Variants in STARD3NL observed in about 807,000 individuals in gnomAD.
STARD3NL encodes STARD3 N-terminal-like protein.
Under a neutral mutation model 30.9 loss-of-function variants are expected in STARD3NL, and 17 were observed. The ratio of observed to expected loss-of-function variants is 0.55; its 90% confidence interval spans 0.38 to 0.82. The LOEUF is 0.82. Ranked by LOEUF, STARD3NL falls within the 40% of genes least tolerant of loss-of-function variation. STARD3NL has a pLI of 0.00. For missense variants in STARD3NL, 234 were observed against 277.6 expected, an observed-to-expected ratio of 0.84 and a Z score of 1.12; for synonymous variants, 112 against 100.5, an observed-to-expected ratio of 1.11 and a Z score of -0.69.
chr7:38,211,222 G>A (rs1327585855), intron 2 of STARD3NL, among the ~76,000 whole-genome samples: 1 of 152,066 alleles, frequency 6.6e-6, no homozygotes, highest in African/African-American at 2.4e-5. Flanking sequence ...TCTATAAATG[G>A]TGATGACCAA....
intron 3 of STARD3NL, among the ~76,000 whole-genome samples, chr7:38,214,751 G>GA (rs1305288135): frequency 1.3e-5 from 2 of 152,136 alleles, no homozygotes; most frequent in Non-Finnish European, 1.5e-5. Flanking sequence ...TCACTGAAAG[G>GA]AAAATTCACC....
At chr7:38,188,289 C>T (rs1273779119) in intron 1 of STARD3NL, among the ~76,000 whole-genome samples, 1 of 152,196 alleles carries the variant, frequency 6.6e-6, no homozygotes, top group African/African-American at 2.4e-5. Context: ...TGGCTGCACT[C>T]CTCTGTGACC....
intron 1 of STARD3NL, among the ~76,000 whole-genome samples, chr7:38,181,664 C>T (rs1478016315): frequency 6.6e-6 from 1 of 152,028 alleles, no homozygotes; most frequent in Non-Finnish European, 1.5e-5. Context: ...TTGGAAGGTA[C>T]TTAAGTTTAA....
At chr7:38,229,587 T>C (rs1046701434) in intron 8 of STARD3NL, among the ~76,000 whole-genome samples, 3 of 152,288 alleles carry the variant, frequency 2.0e-5, no homozygotes, top group East Asian at 1.9e-4. Context: ...TTGTGAGTCA[T>C]TGGGAAGCTG....
At chr7:38,207,784 G>GT in intron 2 of STARD3NL, 55 bp downstream of exon 2, 18 of 1,510,506 alleles carry the variant, frequency 1.2e-5, no homozygotes, top group Non-Finnish European at 1.5e-5. Context: ...AGACAACAGG[G>GT]TTTTTTTGTT....
chr7:38,196,864 T>C (rs1030058786), intron 1 of STARD3NL, among the ~76,000 whole-genome samples: 1 of 152,218 alleles, frequency 6.6e-6, no homozygotes, highest in Non-Finnish European at 1.5e-5. Context: ...TTTAAACCCC[T>C]GTTTTTTTCT....
intron 1 of STARD3NL, among the ~76,000 whole-genome samples, chr7:38,206,343 G>A (rs750671142): frequency 2.6e-5 from 4 of 152,162 alleles, no homozygotes; most frequent in Admixed American, 6.6e-5. Context: ...TACATGCCAC[G>A]TTCATGGCTA....
chr7:38,185,043 G>A (rs78822503), intron 1 of STARD3NL, among the ~76,000 whole-genome samples: 1,872 of 151,966 alleles, frequency 0.012, 48 homozygotes, highest in African/African-American at 0.043. Flanking sequence ...AGACTGTAAA[G>A]CACACTTTAT....
intron 1 of STARD3NL, among the ~76,000 whole-genome samples, chr7:38,191,362 G>A (rs1784678387): frequency 6.6e-6 from 1 of 151,984 alleles, no homozygotes; most frequent in East Asian, 1.9e-4. Flanking sequence ...TCATTTTTAT[G>A]TTTAAGTTGT....
chr7:38,181,996 TA>T (rs1041725656), intron 1 of STARD3NL, among the ~76,000 whole-genome samples: 2 of 152,228 alleles, frequency 1.3e-5, no homozygotes, highest in Non-Finnish European at 2.9e-5. Context: ...CGTGTCTCTA[TA>T]ACAGAAGCCT....
At chr7:38,224,654 T>C (rs986946098) in intron 7 of STARD3NL, among the ~76,000 whole-genome samples, 1 of 152,182 alleles carries the variant, frequency 6.6e-6, no homozygotes, top group Non-Finnish European at 1.5e-5. Context: ...GGTAGTCACT[T>C]AGGAGCCATC....
intron 1 of STARD3NL, among the ~76,000 whole-genome samples, chr7:38,199,370 C>T (rs1017510082): frequency 6.6e-6 from 1 of 152,234 alleles, no homozygotes; most frequent in Non-Finnish European, 1.5e-5. Context: ...CTCCTGAATT[C>T]AACAGAGATT....
chr7:38,222,232 G>T (rs914000017), intron 7 of STARD3NL, among the ~76,000 whole-genome samples: 1 of 151,216 alleles, frequency 6.6e-6, no homozygotes, highest in African/African-American at 2.4e-5. Context: ...AATGATTGAA[G>T]ATTACAGCCA....
At chr7:38,222,220 T>C (rs1786511325) in intron 7 of STARD3NL, among the ~76,000 whole-genome samples, 1 of 149,878 alleles carries the variant, frequency 6.7e-6, no homozygotes, top group African/African-American at 2.5e-5. Context: ...GAAAGAGCCA[T>C]GAATGATTGA....
chr7:38,183,828 A>G (rs1337879963), intron 1 of STARD3NL, among the ~76,000 whole-genome samples: 2 of 152,228 alleles, frequency 1.3e-5, no homozygotes, highest in Non-Finnish European at 2.9e-5. Flanking sequence ...GAACCCATGT[A>G]TGCAGGTGGT....
chr7:38,212,218 CCAGAAGCCTCT>C (rs1425396962), intron 2 of STARD3NL, among the ~76,000 whole-genome samples: 1 of 152,144 alleles, frequency 6.6e-6, no homozygotes, highest in Non-Finnish European at 1.5e-5. Context: ...TGCAGAGGCC[CCAGAAGCCTCT>C]CAGACTTCCT....
chr7:38,207,346 CTGT>C (rs1275952274), intron 1 of STARD3NL, 98 bp from the exon 2 acceptor site: 8 of 615,862 alleles, frequency 1.3e-5, no homozygotes, highest in Admixed American at 3.0e-5. Context: ...TCAAGGTACT[CTGT>C]TGTTCAGTTA....
intron 1 of STARD3NL, chr7:38,179,198 C>T (rs771349043): frequency 2.0e-5 from 3 of 152,202 alleles, no homozygotes; most frequent in Non-Finnish European, 4.4e-5. Context: ...TCCAGTTTGC[C>T]ACATTTCCTT....
intron 1 of STARD3NL, among the ~76,000 whole-genome samples, chr7:38,189,305 A>G (rs1228176345): frequency 6.6e-6 from 1 of 152,256 alleles, no homozygotes; most frequent in African/African-American, 2.4e-5. Context: ...TAAAGATGTT[A>G]CCATGGAGTT....
Sources: allele counts gnomAD v4.1 joint callset (sites outside exome capture counted in the v4.1 genomes callset), GRCh38; gene constraint gnomAD v4.1.1; transcripts MANE v1.5; gene names NCBI Gene and HGNC (gene_info 2026-07-23, HGNC 2026-07-21).